The following SLTM variants were observed in gnomAD, a reference collection of about 807,000 sequenced individuals.
SLTM encodes SAFB like transcription modulator.
A neutral mutation model predicts 134.6 loss-of-function variants in SLTM; 43 were observed. The ratio of observed to expected loss-of-function variants is 0.32; its 90% CI spans 0.25 to 0.41. SLTM has a LOEUF of 0.41. SLTM is among the 10% of genes least tolerant of loss of function. SLTM has a pLI of 1.00. For missense variants in SLTM, 1,055 were observed against 1,288.8 expected (o/e 0.82, Z 2.78); for synonymous variants, 424 against 432.3 (o/e 0.98, Z 0.24).
chr15:58,918,571 A>C (rs1265075751), intron 2 of SLTM, among the ~76,000 whole-genome samples: 1 of 152,198 alleles, frequency 6.6e-6, no homozygotes, highest in Non-Finnish European at 1.5e-5. Context: ...TAGTAGCTGA[A>C]GGCTTGTGAG....
At chr15:58,912,328 T>C (rs536779639) in intron 5 of SLTM, among the ~76,000 whole-genome samples, 1 of 152,270 alleles carries the variant, frequency 6.6e-6, no homozygotes, top group East Asian at 1.9e-4. Context: ...CTCGATCTCC[T>C]GACCTCGTGA....
chr15:58,892,204 C>T, intron 14 of SLTM, among the ~76,000 whole-genome samples: 1 of 152,166 alleles, frequency 6.6e-6, no homozygotes, highest in East Asian at 1.9e-4. Flanking sequence ...AACACACCCA[C>T]AAGACTATTT....
intron 5 of SLTM, 49 bp from the exon 6 acceptor site, chr15:58,901,336 G>T (rs1456583027): frequency 2.0e-6 from 3 of 1,481,414 alleles, no homozygotes; most frequent in South Asian, 1.2e-5. Context: ...CATAAAACTA[G>T]ATTTTAGTAA....
In SLTM at chr15:58,894,116, T is replaced by C; in HGVS notation, c.1455A>G (p.Lys485=). Residue 485 remains lysine (K), a synonymous_variant, in exon 11 of 21, where the codon AAA becomes AAG. Coordinates refer to ENST00000380516, the MANE Select transcript of SLTM (RefSeq NM_024755.4). ...EKSSSRSSGD[K]KNTSDRSSKT... ...TGCTACTTCTATCACTCGTATTTTT[T>C]TTATCTCCAGAACTTCTTGAACTAC... is the stretch of plus-strand genomic sequence containing the variant. 6.2e-7 allele frequency: 1 copy of C among 1,607,964 alleles called. No homozygotes were observed. Among genetic ancestry groups the C allele is most frequent in the Non-Finnish European group, 8.5e-7 (1 of 1,177,846 alleles).
chr15:58,911,515 C>T lies in SLTM; in HGVS notation c.561+1048G>A, dbSNP rs117071551. On this transcript the variant is annotated intron_variant, in intron 5 of 20. Coordinates refer to ENST00000380516, the MANE Select transcript of SLTM (RefSeq NM_024755.4). ...TACCAATGGGCGCTGACTCCCTTCA[C>T]GGGGGATGCATGCATTTATCAGATG... 6.1e-4 allele frequency among the ~76,000 whole-genome samples: 93 copies of T among 152,220 alleles called. 1 individual carries two copies. In the Middle Eastern group the frequency reaches 0.014, roughly 22 times the overall value.
chr15:58,913,826 C>G, intron 3 of SLTM, 130 bp from the exon 4 acceptor site: 7 of 665,728 alleles, frequency 1.1e-5, no homozygotes, highest in Non-Finnish European at 5.1e-6. Flanking sequence ...AAAGTTCATT[C>G]ATTTTACCTT....
At chr15:58,881,643 G>C (rs1242486725) in intron 20 of SLTM, among the ~76,000 whole-genome samples, 8 of 152,148 alleles carry the variant, frequency 5.3e-5, no homozygotes, top group African/African-American at 1.4e-4. Flanking sequence ...TGTGGTTTTA[G>C]AGCAATAAAT....
intron 2 of SLTM, among the ~76,000 whole-genome samples, chr15:58,927,827 A>G (rs1220205520): frequency 6.6e-6 from 1 of 152,258 alleles, no homozygotes; most frequent in African/African-American, 2.4e-5. Context: ...ACATCTGAAC[A>G]TACTACAGCT....
At chr15:58,925,069 A>G (rs1250837761) in intron 2 of SLTM, among the ~76,000 whole-genome samples, 1 of 118,526 alleles carries the variant, frequency 8.4e-6, no homozygotes, top group Admixed American at 9.1e-5. Context: ...CTACGATAAA[A>G]TGTTAAAAAA....
At chr15:58,886,872 G>T in intron 19 of SLTM, 103 bp downstream of exon 19, 1 of 1,370,622 alleles carries the variant, frequency 7.3e-7, no homozygotes, top group Non-Finnish European at 1.0e-6. Flanking sequence ...TTCCAATCTA[G>T]CTAATCTAAG....
At chr15:58,894,355 C>T in intron 10 of SLTM, 78 bp downstream of exon 10, 1 of 1,533,590 alleles carries the variant, frequency 6.5e-7, no homozygotes, top group Non-Finnish European at 9.0e-7. Flanking sequence ...ATTCTACTCC[C>T]TGCTACTGTT....
intron 2 of SLTM, among the ~76,000 whole-genome samples, chr15:58,919,378 T>C (rs1476609461): frequency 6.6e-6 from 1 of 152,084 alleles, no homozygotes; most frequent in African/African-American, 2.4e-5. Flanking sequence ...GAGAATCGCT[T>C]GAGCCCATGA....
rs1466348503 is a variant in SLTM at position 58,894,074 on chromosome 15, AAAAAT to A, written c.1481+11_1481+15del. The A allele has an allele frequency of 6.3e-7, 1 of 1,591,776 alleles. No homozygotes were observed. The highest frequency in any genetic ancestry group is 1.4e-5 in the African/African-American group (1 of 73,256). On this transcript the variant is annotated intron_variant, in intron 11 of 20. Coordinates refer to ENST00000380516, the MANE Select transcript of SLTM (RefSeq NM_024755.4). ...TATCTGCTTATCAAAATAAATAAATAAAAATAAATCCTTACTTGCTACTTCTATCA... is the reference window on the plus strand; with the variant it reads ...TATCTGCTTATCAAAATAAATAAATAAAATCCTTACTTGCTACTTCTATCA...
At chr15:58,886,264 T>C in intron 19 of SLTM, among the ~76,000 whole-genome samples, 1 of 135,148 alleles carries the variant, frequency 7.4e-6, no homozygotes, top group East Asian at 2.1e-4. Context: ...TGTGTGTGTG[T>C]GTATTTTTTT....
chr15:58,932,250 G>T, intron 2 of SLTM, 106 bp downstream of exon 2: 1 of 802,264 alleles, frequency 1.2e-6, no homozygotes, highest in Non-Finnish European at 2.1e-6. Context: ...CTGCCAGAGG[G>T]AAATAGCAAA....
intron 4 of SLTM, 37 bp from the exon 5 acceptor site, chr15:58,912,647 A>AAGCATTCTCACGTTACCCCG: frequency 6.5e-7 from 1 of 1,538,784 alleles, no homozygotes; most frequent in Non-Finnish European, 8.9e-7. Context: ...TGCTTTATAA[A>AAGCATTCTCACGTTACCCCG]ATATCGGGGT....
rs1425842011 is a variant in SLTM at position 58,883,505 on chromosome 15, T to C, written c.2996+121A>G. On this transcript the variant is annotated intron_variant, in intron 20 of 20. Transcript: ENST00000380516. ...GAGACTACGGGTTGATACAGGGAAATGTTCAGGCAGATCTAGGGTTTTCAG... is the reference window on the plus strand; with the variant it reads ...GAGACTACGGGTTGATACAGGGAAACGTTCAGGCAGATCTAGGGTTTTCAG... 4 of 1,292,420 alleles carry C rather than the reference T, an allele frequency of 3.1e-6. No individual in the cohort carries two copies. In the African/African-American group the frequency reaches 5.9e-5, roughly 19 times the overall value. 80.1% of individuals were successfully genotyped at this position (1,292,420 alleles called of 1,614,324 possible).
At chr15:58,902,653 A>C (rs1366253053) in intron 5 of SLTM, among the ~76,000 whole-genome samples, 1 of 151,718 alleles carries the variant, frequency 6.6e-6, no homozygotes, top group Non-Finnish European at 1.5e-5. Flanking sequence ...CAGCCTCCCA[A>C]AGTTCTAGGA....
Position 58,887,390 on chromosome 15 carries a change from G to A in SLTM, c.2526C>T (p.Asp842=). ...CTCGCTCCCCTCGTACTTCTCGCCT[G>A]TCTGATTCTCTAAGTTCATTTCTTG... is the stretch of plus-strand genomic sequence containing the variant. ...PPPRNELRES[D]RREVRGERDE... The change falls in exon 18 of 21, where the codon GAC becomes GAT. Residue 842 remains aspartate (D), a synonymous_variant. Transcript: ENST00000380516. The A allele has an allele frequency of 6.2e-7, 1 of 1,613,966 alleles. No individual in the cohort carries two copies. Among genetic ancestry groups the A allele is most frequent in the Non-Finnish European group, 8.5e-7 (1 of 1,179,990 alleles).
Sources: gnomAD v4.1 joint callset for allele counts (sites outside exome capture counted in the v4.1 genomes callset) on GRCh38, gnomAD v4.1.1 for gene constraint, MANE v1.5 for transcripts, NCBI Gene and HGNC (gene_info 2026-07-23, HGNC 2026-07-21) for gene names.